The following POLN variants were observed in gnomAD, a reference collection of about 807,000 sequenced individuals.
The protein encoded by POLN is DNA polymerase N.
POLN carries 108 observed loss-of-function variants against 113.5 expected under a neutral mutation model. The ratio of observed to expected loss-of-function variants is 0.95; its 90% CI spans 0.81 to 1.12. POLN has a LOEUF of 1.12. POLN is among the 50% of genes most tolerant of loss of function. The probability of loss-of-function intolerance (pLI) is 0.00; values close to 1 mark genes in which losing one functional copy is unlikely to be tolerated. For missense variants in POLN, 1,097 were observed against 1,077.1 expected, an observed-to-expected ratio of 1.02 and a Z score of -0.26; for synonymous variants, 386 against 391.5, an observed-to-expected ratio of 0.99 and a Z score of 0.17.
chr4:2,213,008 G>C (rs768918781), intron 4 of POLN, 39 bp downstream of exon 4: 7 of 1,416,420 alleles, frequency 4.9e-6, no homozygotes, highest in Non-Finnish European at 5.9e-6. Context: ...GAACAAATAA[G>C]TTATCTATTT....
Position 2,229,205 on chromosome 4 carries a change from G to A in POLN, c.27C>T (p.Gly9=). The part of the protein sequence containing the change: MENYEALV[G]FDLCNTPLSS... The stretch of plus-strand genomic sequence containing the variant: ...AGAGCGGTGTATTACAGAGATCAAA[G>A]CCTACCAATGCCTCATAATTTTCCA... The change falls in exon 3 of 26, where the codon GGC becomes GGT. Residue 9 remains glycine (G), a synonymous_variant. Transcript: ENST00000511885. The A allele has an allele frequency of 6.2e-7, 1 of 1,602,386 alleles. No individual in the cohort carries two copies. Among genetic ancestry groups the A allele is most frequent in the African/African-American group, 1.3e-5 (1 of 74,430 alleles).
chr4:2,081,756 G>A lies in POLN; in HGVS notation c.2198-13C>T, dbSNP rs1405322386. 1.2e-6 allele frequency: 2 copies of A among 1,611,174 alleles called. No homozygotes were observed. Among genetic ancestry groups the A allele is most frequent in the East Asian group, 2.2e-5 (1 of 44,834 alleles). On this transcript the variant is annotated splice_polypyrimidine_tract_variant and intron_variant, in intron 21 of 25. Transcript: ENST00000511885. Reference sequence around the variant, plus strand: ...GACACCACACAGCCTGAGTCACACAGAGCAAAAGTAGATGAGGGACAGAAA... The same window carrying A: ...GACACCACACAGCCTGAGTCACACAAAGCAAAAGTAGATGAGGGACAGAAA...
At chr4:2,086,958 T>C (rs1730565099) in intron 20 of POLN, among the ~76,000 whole-genome samples, 1 of 152,170 alleles carries the variant, frequency 6.6e-6, no homozygotes, top group Admixed American at 6.5e-5. Flanking sequence ...GTCTCTCTGA[T>C]CCAGCCCTCC....
At position 2,093,471 on chromosome 4, in the gene POLN, C is replaced by T. The variant is rs1037669281; in HGVS notation, c.2065+2380G>A. Among the ~76,000 whole-genome samples the T allele has an allele frequency of 1.1e-4, 17 of 152,308 alleles. No individual in the cohort carries two copies. Among genetic ancestry groups the T allele is most frequent in the Middle Eastern group, 3.4e-3 (1 of 294 alleles). ...CCCAGGAGGAGATGGCACAGGGAGG[C>T]GGAGGGCCTTGCACAAGGCCACACA... On this transcript the variant is annotated intron_variant, in intron 20 of 25. Coordinates refer to ENST00000511885, the MANE Select transcript of POLN (RefSeq NM_181808.4). The surrounding 1 kb of genome is among the most constrained non-coding windows in gnomAD (Gnocchi z 4.1).
Position 2,179,414 on chromosome 4 carries a change from G to C in POLN, c.1073C>G (p.Pro358Arg). ...TTCAAAAGAGGGTGTGGCATCACTA[G>C]GATCTATAAGCCATGCAGCAATTCT... ...DPRIAAWLID[P>R]SDATPSFEDL... The change falls in exon 8 of 26, where the codon CCT becomes CGT. Residue 358 changes from proline (P) to arginine (R), a missense_variant. By Grantham distance (103) the Pro-to-Arg change is moderately radical (BLOSUM62 -2). Coordinates refer to ENST00000511885, the MANE Select transcript of POLN (RefSeq NM_181808.4). The C allele has an allele frequency of 6.2e-7, 1 of 1,613,744 alleles. No individual in the cohort carries two copies. Among genetic ancestry groups the C allele is most frequent in the Non-Finnish European group, 8.5e-7 (1 of 1,179,710 alleles).
At chr4:2,134,534 T>C (rs1313250740) in intron 16 of POLN, among the ~76,000 whole-genome samples, 1 of 152,220 alleles carries the variant, frequency 6.6e-6, no homozygotes, top group Non-Finnish European at 1.5e-5. Flanking sequence ...TTTGTTTGTT[T>C]GTTTTGCTTT....
intron 16 of POLN, among the ~76,000 whole-genome samples, chr4:2,150,995 C>A (rs919861082): frequency 6.6e-6 from 1 of 152,182 alleles, no homozygotes; most frequent in African/African-American, 2.4e-5. Context: ...AAACTTAAAA[C>A]TTCTGCTCTT....
chr4:2,094,854 C>T (rs950280336), intron 20 of POLN, among the ~76,000 whole-genome samples: 7 of 152,176 alleles, frequency 4.6e-5, no homozygotes, highest in African/African-American at 1.7e-4. Flanking sequence ...TATGTGCTTG[C>T]CCCGTTATTC....
chr4:2,118,808 C>T (rs2108717170), intron 19 of POLN, among the ~76,000 whole-genome samples: 1 of 152,354 alleles, frequency 6.6e-6, no homozygotes. Context: ...ATTTCTCATC[C>T]TCACTACCTT....
chr4:2,237,163 AC>A (rs1273269144), intron 2 of POLN, among the ~76,000 whole-genome samples: 66 of 152,254 alleles, frequency 4.3e-4, no homozygotes, highest in African/African-American at 1.6e-3. Flanking sequence ...TGTAGTAGAA[AC>A]AACAGGCTAT....
Position 2,176,299 on chromosome 4 carries a change from G to A in POLN, c.1215C>T (p.Tyr405=). The change falls in exon 9 of 26, where the codon TAC becomes TAT. Residue 405 remains tyrosine (Y), a synonymous_variant. Coordinates refer to ENST00000511885, the MANE Select transcript of POLN (RefSeq NM_181808.4). ...TAGAGCAAAGGTCCATTGTAAGTCT[G>A]TAGAGTGTCTTCAGGTTCTCACGTA... ...QNVRENLKTL[Y]RLTMDLCSKL... The A allele has an allele frequency of 6.2e-7, 1 of 1,601,488 alleles. No individual in the cohort carries two copies. The highest frequency in any genetic ancestry group is 8.5e-7 in the Non-Finnish European group (1 of 1,175,602).
At chr4:2,228,348 CTTTT>C (rs531222767) in intron 3 of POLN, 439 of 187,306 alleles carry the variant, frequency 2.3e-3, no homozygotes, top group Middle Eastern at 6.6e-3. Context: ...ACTGCTTTCA[CTTTT>C]TTTTTTTTTT....
chr4:2,191,495 T>C (rs1340047434), intron 7 of POLN, among the ~76,000 whole-genome samples: 1 of 152,160 alleles, frequency 6.6e-6, no homozygotes, highest in Non-Finnish European at 1.5e-5. Flanking sequence ...AAAATTCAAA[T>C]ATTCCCAGTA....
intron 2 of POLN, among the ~76,000 whole-genome samples, chr4:2,237,987 A>C (rs1252452598): frequency 1.3e-5 from 2 of 152,198 alleles, no homozygotes; most frequent in Non-Finnish European, 2.9e-5. Flanking sequence ...AGGCAACCCT[A>C]TCCAGGCCCC....
chr4:2,162,827 T>G (rs945016635), intron 13 of POLN, among the ~76,000 whole-genome samples: 29 of 152,070 alleles, frequency 1.9e-4, no homozygotes, highest in African/African-American at 6.8e-4. Context: ...CTTGGTCCAT[T>G]GGCCTATTTA....
intron 13 of POLN, among the ~76,000 whole-genome samples, chr4:2,162,244 G>A (rs1024636796): frequency 6.6e-6 from 1 of 151,992 alleles, no homozygotes; most frequent in Non-Finnish European, 1.5e-5. Context: ...CTTCACTCCT[G>A]AAGCCAGCAA....
chr4:2,211,575 A>G (rs150141487), intron 4 of POLN, among the ~76,000 whole-genome samples: 3 of 152,144 alleles, frequency 2.0e-5, no homozygotes, highest in African/African-American at 7.2e-5. Context: ...CAGGAGTTTG[A>G]GACCAGCCCG....
intron 16 of POLN, among the ~76,000 whole-genome samples, chr4:2,141,537 A>G (rs138054411): frequency 3.1e-4 from 47 of 152,270 alleles, no homozygotes; most frequent in African/African-American, 9.9e-4. Context: ...TGAAGTGTTC[A>G]TGAAGGACTG....
At chr4:2,216,591 A>T (rs1734118357) in intron 3 of POLN, among the ~76,000 whole-genome samples, 1 of 152,234 alleles carries the variant, frequency 6.6e-6, no homozygotes, top group Non-Finnish European at 1.5e-5. Flanking sequence ...TCATGTGCCC[A>T]CTGCTGCAGT....
Sources: allele counts gnomAD v4.1 joint callset (sites outside exome capture counted in the v4.1 genomes callset), GRCh38; gene constraint gnomAD v4.1.1; non-coding constraint Gnocchi (gnomAD v3.1); transcripts MANE v1.5; gene names NCBI Gene and HGNC (gene_info 2026-07-23, HGNC 2026-07-21).